Variants in CSMD1 observed in about 807,000 individuals in gnomAD.
The protein encoded by CSMD1 is CUB and Sushi multiple domains 1, also known as CUB and sushi domain-containing protein 1.
CSMD1 carries 213 observed loss-of-function variants against 417.5 expected under a neutral mutation model. The observed-to-expected ratio is 0.51, with a 90% CI of 0.46 to 0.57. The LOEUF (loss-of-function observed/expected upper bound fraction) is 0.57, where lower values mean the gene tolerates loss of function less well. Ranked by LOEUF, CSMD1 falls within the 20% of genes least tolerant of loss-of-function variation. CSMD1 has a pLI of 0.00. For synonymous variants in CSMD1, 2,862 were observed against 1,736.8 expected (o/e 1.65, Z -16.11); for missense variants, 6,923 against 4,529.7 (o/e 1.53, Z -15.17).
intron 25 of CSMD1, among the ~76,000 whole-genome samples, chr8:3,304,379 A>AT (rs1804651454): frequency 6.6e-6 from 1 of 152,158 alleles, no homozygotes; most frequent in African/African-American, 2.4e-5. Context: ...TATTAGTACA[A>AT]TTTTAAGTAC....
chr8:3,678,078 C>T (rs942897203), intron 7 of CSMD1, among the ~76,000 whole-genome samples: 1 of 152,086 alleles, frequency 6.6e-6, no homozygotes, highest in Non-Finnish European at 1.5e-5. Flanking sequence ...TGAATAGGAA[C>T]AGCTCCAGTC....
intron 21 of CSMD1, among the ~76,000 whole-genome samples, chr8:3,358,676 C>A (rs1434675915): frequency 2.6e-5 from 4 of 152,168 alleles, no homozygotes; most frequent in Non-Finnish European, 5.9e-5. Context: ...CTTGTGCCCA[C>A]TTAGCAGGAG....
At chr8:4,970,191 C>T (rs1358142014) in intron 1 of CSMD1, among the ~76,000 whole-genome samples, 1 of 152,082 alleles carries the variant, frequency 6.6e-6, no homozygotes, top group African/African-American at 2.4e-5. Context: ...GAGAACTTGA[C>T]TTCAGACTCG....
intron 7 of CSMD1, among the ~76,000 whole-genome samples, chr8:3,694,331 C>A (rs1237112486): frequency 2.0e-5 from 3 of 152,068 alleles, no homozygotes; most frequent in Non-Finnish European, 4.4e-5. Flanking sequence ...CATGACTGAG[C>A]AGACAGACAG....
At chr8:3,652,635 G>C (rs764515798) in intron 7 of CSMD1, among the ~76,000 whole-genome samples, 3 of 152,146 alleles carry the variant, frequency 2.0e-5, no homozygotes, top group Admixed American at 1.3e-4. Flanking sequence ...CCCATTTATG[G>C]AACCATCAGA....
At chr8:3,331,549 T>C (rs1261253348) in intron 23 of CSMD1, among the ~76,000 whole-genome samples, 2 of 152,232 alleles carry the variant, frequency 1.3e-5, no homozygotes, top group East Asian at 1.9e-4. Flanking sequence ...CTCGGTTTCC[T>C]GTCTTTAAAC....
chr8:4,409,646 T>TC (rs1796537627), intron 3 of CSMD1, among the ~76,000 whole-genome samples: 1 of 14,500 alleles, frequency 6.9e-5, no homozygotes, highest in East Asian at 8.2e-4. Context: ...TTTTTTCTTT[T>TC]TTTTTTTTTT....
chr8:3,781,033 C>G (rs2720751), intron 5 of CSMD1, among the ~76,000 whole-genome samples: 4 of 151,890 alleles, frequency 2.6e-5, no homozygotes, highest in African/African-American at 4.8e-5. Flanking sequence ...GTAGGGGAAA[C>G]TGAAATCTAA....
intron 1 of CSMD1, among the ~76,000 whole-genome samples, chr8:4,713,250 AG>A (rs1808424011): frequency 1.3e-5 from 2 of 152,246 alleles, no homozygotes; most frequent in East Asian, 3.8e-4. Flanking sequence ...ACTCAAGTAC[AG>A]AAGGAATGCG....
At chr8:3,704,407 A>G (rs1801049791) in intron 7 of CSMD1, among the ~76,000 whole-genome samples, 1 of 152,178 alleles carries the variant, frequency 6.6e-6, no homozygotes, top group African/African-American at 2.4e-5. Flanking sequence ...TCCTAAAACA[A>G]ATCCACAGTT....
intron 10 of CSMD1, among the ~76,000 whole-genome samples, chr8:3,552,191 T>G (rs760740798): frequency 1.3e-5 from 2 of 152,124 alleles, no homozygotes; most frequent in Non-Finnish European, 2.9e-5. Flanking sequence ...CAGAGTACTG[T>G]CTGTGGAAAA....
chr8:4,007,012 G>C (rs971506269), intron 4 of CSMD1, among the ~76,000 whole-genome samples: 1 of 151,778 alleles, frequency 6.6e-6, no homozygotes, highest in African/African-American at 2.4e-5. Context: ...GTGTATGTGT[G>C]TATTTTTAGT....
At chr8:4,427,345 G>A (rs1051699736) in intron 2 of CSMD1, among the ~76,000 whole-genome samples, 2 of 152,116 alleles carry the variant, frequency 1.3e-5, no homozygotes, top group Non-Finnish European at 2.9e-5. Flanking sequence ...GTCAAACTGT[G>A]TCAGGACACG....
chr8:3,030,113 A>AT (rs1288410033), intron 50 of CSMD1, among the ~76,000 whole-genome samples: 2 of 152,084 alleles, frequency 1.3e-5, no homozygotes, highest in Non-Finnish European at 2.9e-5. Context: ...AGGGCCTAGA[A>AT]TATAGCAGTT....
intron 1 of CSMD1, among the ~76,000 whole-genome samples, chr8:4,814,196 T>TTC (rs1554490611): frequency 6.7e-6 from 1 of 149,704 alleles, no homozygotes; most frequent in African/African-American, 2.5e-5. Context: ...CAGAATGATT[T>TTC]TGTGTGTGTG....
At chr8:3,723,508 G>A (rs4990840) in intron 6 of CSMD1, among the ~76,000 whole-genome samples, 107,276 of 152,062 alleles carry the variant, frequency 0.71, 38,791 homozygotes, top group South Asian at 0.85. Flanking sequence ...GAAAATCATA[G>A]TTGGGCATTT....
At chr8:3,987,407 G>A (rs1025186612) in intron 5 of CSMD1, among the ~76,000 whole-genome samples, 2 of 152,182 alleles carry the variant, frequency 1.3e-5, no homozygotes, top group African/African-American at 2.4e-5. Flanking sequence ...AATGGATACA[G>A]GGGTTGTCTG....
At chr8:3,729,148 C>A (rs1327602566) in intron 6 of CSMD1, among the ~76,000 whole-genome samples, 1 of 152,238 alleles carries the variant, frequency 6.6e-6, no homozygotes, top group East Asian at 1.9e-4. Flanking sequence ...ACTTGTGGAA[C>A]ATTTAACTAA....
chr8:3,050,886 T>A (rs1051619237), intron 50 of CSMD1, among the ~76,000 whole-genome samples: 2 of 152,212 alleles, frequency 1.3e-5, no homozygotes, highest in Admixed American at 1.3e-4. Context: ...TTGAAGACTA[T>A]GTGAATCCTT....
Sources: allele counts gnomAD v4.1 joint callset (sites outside exome capture counted in the v4.1 genomes callset), GRCh38; gene constraint gnomAD v4.1.1; transcripts MANE v1.5; gene names NCBI Gene and HGNC (gene_info 2026-07-23, HGNC 2026-07-21).